TENM2: variants seen among roughly 807,000 people sequenced by gnomAD.
TENM2 encodes the protein teneurin transmembrane protein 2, also known as teneurin-2.
TENM2 carries 52 observed loss-of-function variants against 245.2 expected under a neutral mutation model. The ratio of observed to expected loss-of-function variants is 0.21; its 90% confidence interval spans 0.17 to 0.27. The LOEUF is 0.27. TENM2 is among the 10% of genes least tolerant of loss of function. The pLI is 1.00. For synonymous variants in TENM2, 1,363 were observed against 1,438.9 expected, an observed-to-expected ratio of 0.95 and a Z score of 1.19; for missense variants, 3,046 against 3,666.8, an observed-to-expected ratio of 0.83 and a Z score of 4.37.
intron 2 of TENM2, among the ~76,000 whole-genome samples, chr5:167,733,244 T>C (rs1760564402): frequency 6.6e-6 from 1 of 152,102 alleles, no homozygotes; most frequent in African/African-American, 2.4e-5. Context: ...CTGTTTGACA[T>C]CAAGGAACTA....
At chr5:167,626,777 C>T (rs1446001008) in intron 2 of TENM2, among the ~76,000 whole-genome samples, 2 of 152,166 alleles carry the variant, frequency 1.3e-5, no homozygotes, top group Admixed American at 6.5e-5. Context: ...ATTTTGCTTT[C>T]AGAAAAGGCT....
intron 2 of TENM2, among the ~76,000 whole-genome samples, chr5:167,803,715 T>G (rs1256545235): frequency 1.3e-5 from 2 of 152,068 alleles, no homozygotes; most frequent in Non-Finnish European, 1.5e-5. Flanking sequence ...TCTTTCTTTG[T>G]TTATTAACTT....
chr5:167,375,443 G>T, exon 2 of TENM2: 1 of 1,551,700 alleles, frequency 6.4e-7, no homozygotes, highest in South Asian at 1.2e-5. Flanking sequence ...GACTGACTCT[G>T]ACAACGAAAA....
intron 2 of TENM2, among the ~76,000 whole-genome samples, chr5:167,540,061 G>T (rs940355117): frequency 8.5e-5 from 13 of 152,144 alleles, no homozygotes; most frequent in Non-Finnish European, 1.8e-4. Context: ...AACTTTAAGT[G>T]ATACAACTTT....
intron 2 of TENM2, among the ~76,000 whole-genome samples, chr5:167,799,801 A>G (rs1765576612): frequency 6.6e-6 from 1 of 152,228 alleles, no homozygotes; most frequent in African/African-American, 2.4e-5. Context: ...GGGCATGTCT[A>G]TCCCCAGTCT....
Position 167,882,670 on chromosome 5 carries a change from A to G in TENM2, c.712+6475A>G, listed in dbSNP as rs181137228. On this transcript the variant is annotated intron_variant, in intron 3 of 28. Coordinates refer to ENST00000518659, the Ensembl canonical transcript of TENM2. The stretch of plus-strand genomic sequence containing the variant: ...GAGAAGTGCAAACAGGGGTAATGCC[A>G]GATGCCTATAAAACCATCAGATCTC... Among the ~76,000 whole-genome samples, 696 of 152,324 alleles carry G rather than the reference A, an allele frequency of 4.6e-3. 8 individuals carry two copies. Among genetic ancestry groups the G allele is most frequent in the African/African-American group, 0.016 (656 of 41,586 alleles).
chr5:167,864,954 T>C lies in TENM2; in HGVS notation c.503-11032T>C, dbSNP rs572825967. On this transcript the variant is annotated intron_variant, in intron 2 of 28. Transcript: ENST00000518659. ...AATGAGTAAGATGAATTCCTTTGCATCGTGGAACATATGTTCTCTAAGGGA... is the reference window on the plus strand; with the variant it reads ...AATGAGTAAGATGAATTCCTTTGCACCGTGGAACATATGTTCTCTAAGGGA... Among the ~76,000 whole-genome samples, 3 of 152,300 alleles carry C rather than the reference T, an allele frequency of 2.0e-5. No individual in the cohort carries two copies. In the South Asian group the frequency reaches 6.2e-4, roughly 32 times the overall value.
chr5:167,756,104 T>C (rs748664770), intron 2 of TENM2, among the ~76,000 whole-genome samples: 4 of 152,166 alleles, frequency 2.6e-5, no homozygotes, highest in Non-Finnish European at 5.9e-5. Flanking sequence ...CCGTTAGAAC[T>C]GGACATGTTG....
At chr5:167,231,216 C>T in the TENM2 span, among the ~76,000 whole-genome samples, 1 of 152,128 alleles carries the variant, frequency 6.6e-6, no homozygotes, top group South Asian at 2.1e-4. Flanking sequence ...TGGAGCACTG[C>T]AGCAAAGGTA....
exon 7 of TENM2, chr5:168,062,157 A>G: frequency 6.2e-7 from 1 of 1,613,732 alleles, no homozygotes; most frequent in Non-Finnish European, 8.5e-7. Flanking sequence ...TTTGGAGGTC[A>G]CAAATTCACA....
intron 18 of TENM2, 122 bp downstream of exon 20, chr5:168,203,954 C>G (rs1581624919): frequency 1.6e-6 from 1 of 638,060 alleles, no homozygotes; most frequent in East Asian, 3.1e-5. Context: ...ATCAAGTGCC[C>G]AAAATATGCA....
intron 1 of TENM2, among the ~76,000 whole-genome samples, chr5:167,318,428 ATT>A (rs397709104): frequency 1.4e-5 from 2 of 144,856 alleles, no homozygotes; most frequent in Non-Finnish European, 1.5e-5. Context: ...GAAGTTGTTC[ATT>A]TTTTTTTTTT....
the TENM2 span, among the ~76,000 whole-genome samples, chr5:167,277,675 C>T: frequency 1.1e-4 from 17 of 152,100 alleles, no homozygotes; most frequent in Admixed American, 1.0e-3. Flanking sequence ...GATTTTTCCA[C>T]TTAAATATTC....
At position 168,140,104 on chromosome 5, in the gene TENM2, C is replaced by G. The variant is rs1755406304; in HGVS notation, c.2422+13138C>G. 1.3e-5 allele frequency among the ~76,000 whole-genome samples: 2 copies of G among 152,112 alleles called. 1 individual carries two copies. Among genetic ancestry groups the G allele is most frequent in the South Asian group, 4.1e-4 (2 of 4,824 alleles). The stretch of plus-strand genomic sequence containing the variant: ...GCTTTGGCTTCTCTTGTTTGATGCC[C>G]CATCTCTCCTTGGTAACTGGTTTAA... On this transcript the variant is annotated intron_variant, in intron 12 of 28. Transcript: ENST00000518659.
intron 2 of TENM2, among the ~76,000 whole-genome samples, chr5:167,571,004 G>A (rs72831316): frequency 0.097 from 14,704 of 152,150 alleles, 906 homozygotes; most frequent in Admixed American, 0.19. Flanking sequence ...AAACCCAGAG[G>A]GGAATTTGAA....
chr5:167,826,421 T>C (rs1227445491), intron 2 of TENM2, among the ~76,000 whole-genome samples: 1 of 152,160 alleles, frequency 6.6e-6, no homozygotes, highest in Non-Finnish European at 1.5e-5. Flanking sequence ...GCCAGCACTT[T>C]CTTCCTTCTT....
the TENM2 span, among the ~76,000 whole-genome samples, chr5:167,106,783 G>T: frequency 6.6e-6 from 1 of 151,866 alleles, no homozygotes; most frequent in African/African-American, 2.4e-5. Context: ...TGAAGAGGGT[G>T]GGGGAGGGAA....
At chr5:167,966,890 A>G (rs1169634227) in intron 4 of TENM2, 1 of 152,212 alleles carries the variant, frequency 6.6e-6, no homozygotes, top group African/African-American at 2.4e-5. Flanking sequence ...TCTGTATTGC[A>G]AAACATTATG....
At chr5:167,139,144 T>A in the TENM2 span, among the ~76,000 whole-genome samples, 1 of 152,354 alleles carries the variant, frequency 6.6e-6, no homozygotes, top group South Asian at 2.1e-4. Flanking sequence ...TAATATCAGG[T>A]AAGTAGAAGT....
Sources: allele counts gnomAD v4.1 joint callset (sites outside exome capture counted in the v4.1 genomes callset), GRCh38; gene constraint gnomAD v4.1.1; transcripts MANE v1.5; gene names NCBI Gene and HGNC (gene_info 2026-07-23, HGNC 2026-07-21).